Variants in BICC1 observed in about 807,000 individuals in gnomAD.
BICC1 encodes the protein BicC family RNA binding protein 1.
BICC1 carries 43 observed loss-of-function variants against 111.0 expected under a neutral mutation model. That is an observed-to-expected ratio of 0.39 (90% CI 0.30 to 0.50). BICC1 has a LOEUF of 0.50. Ranked by LOEUF, BICC1 falls within the 20% of genes least tolerant of loss-of-function variation. The pLI is 0.88. For synonymous variants in BICC1, 467 were observed against 434.4 expected, an observed-to-expected ratio of 1.07 and a Z score of -0.93; for missense variants, 1,091 against 1,203.2, an observed-to-expected ratio of 0.91 and a Z score of 1.38.
intron 12 of BICC1, among the ~76,000 whole-genome samples, chr10:58,799,959 A>T (rs548930248): frequency 9.5e-4 from 144 of 152,206 alleles, no homozygotes; most frequent in African/African-American, 3.3e-3. Flanking sequence ...CAGTTTAATG[A>T]TATTGATTCT....
intron 1 of BICC1, among the ~76,000 whole-genome samples, chr10:58,530,179 TA>T (rs1423980378): frequency 6.6e-6 from 1 of 151,826 alleles, no homozygotes; most frequent in Non-Finnish European, 1.5e-5. Context: ...AGGCCCTGAT[TA>T]ATGTACATCA....
chr10:58,749,057 T>G (rs1341794929), intron 3 of BICC1, among the ~76,000 whole-genome samples: 2 of 151,956 alleles, frequency 1.3e-5, no homozygotes, highest in African/African-American at 2.4e-5. Flanking sequence ...GACATAAGAG[T>G]TTTTAAACAC....
intron 2 of BICC1, among the ~76,000 whole-genome samples, chr10:58,671,299 T>C (rs1274732942): frequency 1.3e-5 from 2 of 152,174 alleles, no homozygotes; most frequent in African/African-American, 4.8e-5. Context: ...AGTCCAGGTC[T>C]GGTGTGGTGG....
chr10:58,587,104 A>G (rs1343100915), intron 1 of BICC1, among the ~76,000 whole-genome samples: 1 of 152,292 alleles, frequency 6.6e-6, no homozygotes. Context: ...CAGCATGAAT[A>G]TTTAGTGCCT....
chr10:58,624,020 A>G (rs1370474169), intron 2 of BICC1, among the ~76,000 whole-genome samples: 3 of 152,034 alleles, frequency 2.0e-5, no homozygotes, highest in African/African-American at 7.2e-5. Flanking sequence ...AACTTTTTGT[A>G]TTTGTTAGGG....
At chr10:58,565,881 T>C (rs1843739798) in intron 1 of BICC1, among the ~76,000 whole-genome samples, 1 of 152,160 alleles carries the variant, frequency 6.6e-6, no homozygotes, top group Admixed American at 6.5e-5. Context: ...ATAAGTTCTT[T>C]AGTGGTGATT....
At chr10:58,526,593 G>A (rs985932513) in intron 1 of BICC1, among the ~76,000 whole-genome samples, 1 of 151,760 alleles carries the variant, frequency 6.6e-6, no homozygotes, top group Non-Finnish European at 1.5e-5. Flanking sequence ...CCCACCCCAC[G>A]ACAGGACCCA....
At chr10:58,587,271 A>G (rs975950840) in intron 1 of BICC1, among the ~76,000 whole-genome samples, 3 of 152,024 alleles carry the variant, frequency 2.0e-5, no homozygotes, top group Non-Finnish European at 4.4e-5. Context: ...CATCTATCCC[A>G]TGTATTTTCC....
At chr10:58,641,485 T>G (rs2132215462) in intron 2 of BICC1, among the ~76,000 whole-genome samples, 1 of 152,236 alleles carries the variant, frequency 6.6e-6, no homozygotes, top group Middle Eastern at 3.4e-3. Context: ...TTTTTTTGCT[T>G]TCCTGGAACA....
chr10:58,758,634 C>A (rs1297769282), intron 3 of BICC1, among the ~76,000 whole-genome samples: 1 of 152,140 alleles, frequency 6.6e-6, no homozygotes, highest in Non-Finnish European at 1.5e-5. Context: ...AATAATTACC[C>A]AAAGCTGCCA....
At chr10:58,606,183 A>C (rs1334605008) in intron 1 of BICC1, among the ~76,000 whole-genome samples, 1 of 151,472 alleles carries the variant, frequency 6.6e-6, no homozygotes, top group East Asian at 1.9e-4. Context: ...ATTTCTCCTC[A>C]CTCTTTTCTA....
At chr10:58,700,278 A>G (rs898412344) in intron 2 of BICC1, among the ~76,000 whole-genome samples, 8 of 152,134 alleles carry the variant, frequency 5.3e-5, no homozygotes, top group Non-Finnish European at 1.2e-4. Context: ...TGAGCATGAG[A>G]AGGGGCTGGG....
At chr10:58,763,346 A>G (rs1486810431) in intron 3 of BICC1, among the ~76,000 whole-genome samples, 1 of 152,216 alleles carries the variant, frequency 6.6e-6, no homozygotes, top group Non-Finnish European at 1.5e-5. Context: ...AAGTGATTTT[A>G]AAACTGTGAG....
intron 3 of BICC1, among the ~76,000 whole-genome samples, chr10:58,750,406 GA>G (rs754088498): frequency 2.0e-5 from 3 of 151,898 alleles, no homozygotes; most frequent in African/African-American, 7.2e-5. Context: ...CACTAAGGAA[GA>G]AAAAAAATGC....
intron 1 of BICC1, among the ~76,000 whole-genome samples, chr10:58,535,507 G>A (rs967588237): frequency 1.1e-4 from 17 of 151,698 alleles, no homozygotes; most frequent in South Asian, 2.1e-4. Flanking sequence ...GAGAAATAAC[G>A]TCTTTCTCAG....
chr10:58,590,644 C>T (rs1306183929), intron 1 of BICC1, among the ~76,000 whole-genome samples: 1 of 152,002 alleles, frequency 6.6e-6, no homozygotes, highest in Non-Finnish European at 1.5e-5. Context: ...GAAATTCTAC[C>T]AGACTTAAAA....
intron 3 of BICC1, among the ~76,000 whole-genome samples, chr10:58,725,669 G>T (rs1841082584): frequency 6.6e-6 from 1 of 152,154 alleles, no homozygotes; most frequent in Admixed American, 6.5e-5. Flanking sequence ...TAGTCTTCTT[G>T]AATTTTTCAG....
chr10:58,603,558 G>A (rs1202212618), intron 1 of BICC1, among the ~76,000 whole-genome samples: 1 of 152,170 alleles, frequency 6.6e-6, no homozygotes, highest in Non-Finnish European at 1.5e-5. Flanking sequence ...GAGCGTAATA[G>A]TTGATACACT....
At chr10:58,568,259 A>AC (rs1369434393) in intron 1 of BICC1, among the ~76,000 whole-genome samples, 13 of 152,062 alleles carry the variant, frequency 8.5e-5, no homozygotes, top group Non-Finnish European at 1.8e-4. Flanking sequence ...TCTGCTCAGG[A>AC]CCCCTGGTGA....
Sources: gnomAD v4.1 joint callset for allele counts (sites outside exome capture counted in the v4.1 genomes callset) on GRCh38, gnomAD v4.1.1 for gene constraint, MANE v1.5 for transcripts, NCBI Gene and HGNC (gene_info 2026-07-23, HGNC 2026-07-21) for gene names.